Variants in GIN1 observed in about 807,000 individuals in gnomAD.
GIN1 encodes the protein gypsy retrotransposon integrase-like protein 1.
Under a neutral mutation model 51.4 loss-of-function variants are expected in GIN1, and 41 were observed. The observed-to-expected ratio is 0.80, with a 90% CI of 0.62 to 1.04. The LOEUF is 1.04. GIN1 is among the 50% of genes least tolerant of loss of function. GIN1 has a pLI of 0.00. For missense variants in GIN1, 610 were observed against 612.4 expected (o/e 1.00, Z 0.04); for synonymous variants, 222 against 206.5 (o/e 1.07, Z -0.64).
chr5:103,092,742 T>C (rs1787281533), intron 7 of GIN1, among the ~76,000 whole-genome samples: 1 of 151,834 alleles, frequency 6.6e-6, no homozygotes, highest in South Asian at 2.1e-4. Flanking sequence ...GTCCAGGAGT[T>C]TGAGACCAAC....
intron 2 of GIN1, among the ~76,000 whole-genome samples, chr5:103,107,606 CTTAT>C (rs1787763009): frequency 6.6e-6 from 1 of 152,010 alleles, no homozygotes; most frequent in Non-Finnish European, 1.5e-5. Context: ...TGGAACACTC[CTTAT>C]TTTTTAGAAT....
intron 1 of GIN1, among the ~76,000 whole-genome samples, chr5:103,115,468 G>A (rs1554197301): frequency 6.6e-6 from 1 of 152,168 alleles, no homozygotes; most frequent in East Asian, 1.9e-4. Context: ...AGTCAGAGTA[G>A]TCAAATACAT....
chr5:103,106,052 C>A (rs928373399), intron 3 of GIN1, among the ~76,000 whole-genome samples: 14 of 152,014 alleles, frequency 9.2e-5, no homozygotes, highest in Non-Finnish European at 2.1e-4. Context: ...TGTACTACTA[C>A]AATTATTAAG....
chr5:103,099,223 G>A (rs1554195502), intron 4 of GIN1, among the ~76,000 whole-genome samples: 6 of 151,970 alleles, frequency 3.9e-5, no homozygotes, highest in Non-Finnish European at 2.9e-5. Context: ...AAGTTGTTAG[G>A]CAAACTCAGC....
chr5:103,108,478 C>A (rs1195371078), intron 2 of GIN1, 91 bp downstream of exon 2: 2 of 840,720 alleles, frequency 2.4e-6, no homozygotes, highest in Non-Finnish European at 3.8e-6. Context: ...TTAGCAACAA[C>A]CAACTACTAC....
chr5:103,104,866 A>G lies in GIN1; in HGVS notation c.334-20T>C. 7.0e-7 allele frequency: 1 copy of G among 1,433,018 alleles called. No homozygotes were observed. The highest frequency in any genetic ancestry group is 9.6e-7 in the Non-Finnish European group (1 of 1,044,476). The allele number at this position is 1,433,018 out of a possible 1,614,324, so 88.8% of individuals were successfully genotyped here. On this transcript the variant is annotated intron_variant, in intron 3 of 7. Transcript: ENST00000399004. ...ATATACCTACAACAGGCACACAATAAAGAAAACACATACAAATGTTAACAC... is the reference window on the plus strand; with the variant it reads ...ATATACCTACAACAGGCACACAATAGAGAAAACACATACAAATGTTAACAC...
chr5:103,116,485 C>T (rs977945420), intron 1 of GIN1, among the ~76,000 whole-genome samples: 18 of 152,040 alleles, frequency 1.2e-4, no homozygotes, highest in Non-Finnish European at 5.9e-5. Context: ...CATGATGGCT[C>T]ACAGATCTAA....
At chr5:103,113,647 G>C (rs1057021128) in intron 1 of GIN1, among the ~76,000 whole-genome samples, 1 of 151,474 alleles carries the variant, frequency 6.6e-6, no homozygotes, top group Non-Finnish European at 1.5e-5. Flanking sequence ...TCAGCCTCTC[G>C]AGTAACTGGG....
At chr5:103,116,999 A>G (rs560080385) in intron 1 of GIN1, among the ~76,000 whole-genome samples, 2 of 152,138 alleles carry the variant, frequency 1.3e-5, no homozygotes, top group African/African-American at 2.4e-5. Context: ...AATTTCTTAT[A>G]AAGTTAAACA....
intron 7 of GIN1, among the ~76,000 whole-genome samples, chr5:103,093,617 A>G (rs1787315663): frequency 6.6e-6 from 1 of 152,226 alleles, no homozygotes; most frequent in African/African-American, 2.4e-5. Context: ...CTTATACAAT[A>G]ATGAAAATGG....
At chr5:103,114,045 G>GCTCA (rs1349116573) in intron 1 of GIN1, among the ~76,000 whole-genome samples, 1 of 152,042 alleles carries the variant, frequency 6.6e-6, no homozygotes, top group Non-Finnish European at 1.5e-5. Context: ...CATGCAGTGT[G>GCTCA]CTCACACCTT....
rs1177497778 is a variant in GIN1 at position 103,094,463 on chromosome 5, G to T, written c.1294+2078C>A. ...TATTACTGGAAGAATCTTGTGCAAA[G>T]AATTCAAGTATGAGGCAAATATTAT... On this transcript the variant is annotated intron_variant, in intron 7 of 7. Transcript: ENST00000399004. 2.0e-5 allele frequency among the ~76,000 whole-genome samples: 3 copies of T among 152,212 alleles called. No individual in the cohort carries two copies. In the South Asian group the frequency reaches 6.2e-4, roughly 32 times the overall value.
intron 1 of GIN1, among the ~76,000 whole-genome samples, chr5:103,109,780 C>T (rs1170962992): frequency 1.3e-5 from 2 of 151,994 alleles, no homozygotes; most frequent in Non-Finnish European, 2.9e-5. Context: ...CCAAACCAAA[C>T]AAATGCAGCC....
intron 1 of GIN1, among the ~76,000 whole-genome samples, chr5:103,117,608 T>C (rs1332665131): frequency 9.0e-6 from 1 of 111,540 alleles, no homozygotes; most frequent in Non-Finnish European, 2.2e-5. Context: ...ACATATCATC[T>C]AGGTTCATGT....
At chr5:103,110,275 G>A (rs1210644911) in intron 1 of GIN1, among the ~76,000 whole-genome samples, 4 of 151,798 alleles carry the variant, frequency 2.6e-5, no homozygotes, top group Non-Finnish European at 5.9e-5. Context: ...GTGTATTCAT[G>A]AAAGACACCA....
intron 1 of GIN1, among the ~76,000 whole-genome samples, chr5:103,110,257 GT>G (rs1487155666): frequency 5.9e-5 from 9 of 151,304 alleles, no homozygotes; most frequent in Non-Finnish European, 1.3e-4. Flanking sequence ...CTTTATCAAA[GT>G]AAAAATGTGT....
chr5:103,096,264 C>T (rs1329204570), intron 7 of GIN1, among the ~76,000 whole-genome samples: 1 of 151,852 alleles, frequency 6.6e-6, no homozygotes, highest in South Asian at 2.1e-4. Flanking sequence ...TGCTTGAACC[C>T]GGGAGGCAGA....
intron 4 of GIN1, among the ~76,000 whole-genome samples, chr5:103,102,105 C>G (rs1787590868): frequency 6.6e-6 from 1 of 152,106 alleles, no homozygotes; most frequent in Non-Finnish European, 1.5e-5. Flanking sequence ...AGAATGTGAC[C>G]TCCATTTCTA....
At chr5:103,095,090 ACT>A (rs1371713131) in intron 7 of GIN1, among the ~76,000 whole-genome samples, 2 of 151,940 alleles carry the variant, frequency 1.3e-5, no homozygotes, top group Non-Finnish European at 2.9e-5. Context: ...TGTTGTTGTT[ACT>A]CTTTTTGTTA....
Sources: gnomAD v4.1 joint callset for allele counts (sites outside exome capture counted in the v4.1 genomes callset) on GRCh38, gnomAD v4.1.1 for gene constraint, MANE v1.5 for transcripts, NCBI Gene and HGNC (gene_info 2026-07-23, HGNC 2026-07-21) for gene names.